Variants in VGLL4 observed in about 807,000 individuals in gnomAD.
VGLL4 encodes transcription cofactor vestigial-like protein 4.
Under a neutral mutation model 21.0 loss-of-function variants are expected in VGLL4, and 7 were observed. The ratio of observed to expected loss-of-function variants is 0.33; its 90% CI spans 0.19 to 0.63. VGLL4 has a LOEUF of 0.63. Ranked by LOEUF, VGLL4 falls within the 20% of genes least tolerant of loss-of-function variation. The pLI is 0.78. For synonymous variants in VGLL4, 222 were observed against 173.2 expected, an observed-to-expected ratio of 1.28 and a Z score of -2.21; for missense variants, 394 against 425.7, an observed-to-expected ratio of 0.93 and a Z score of 0.66.
chr3:11,713,416 A>G (rs2076876010), intron 1 of VGLL4, among the ~76,000 whole-genome samples: 1 of 151,972 alleles, frequency 6.6e-6, no homozygotes, highest in African/African-American at 2.4e-5. Context: ...TCAATGCCAG[A>G]AGAACTTGGC....
chr3:11,588,841 C>T (rs1575421667), intron 2 of VGLL4, among the ~76,000 whole-genome samples: 1 of 152,240 alleles, frequency 6.6e-6, no homozygotes, highest in African/African-American at 2.4e-5. Flanking sequence ...ACACATACAA[C>T]ACCCAGTGAG....
intron 2 of VGLL4, among the ~76,000 whole-genome samples, chr3:11,691,316 T>C (rs983683431): frequency 1.3e-5 from 2 of 151,564 alleles, no homozygotes; most frequent in Admixed American, 1.3e-4. Context: ...TCTGAAAGTC[T>C]TACATAAAAA....
At chr3:11,644,833 G>A (rs2075762368), upstream of VGLL4, among the ~76,000 whole-genome samples, 1 of 134,580 alleles carries the variant, frequency 7.4e-6, no homozygotes, top group Non-Finnish European at 1.5e-5. Context: ...GCAACAGAGT[G>A]AGACTTTGTC....
At chr3:11,573,902 T>A (rs2073950642) in intron 2 of VGLL4, among the ~76,000 whole-genome samples, 1 of 152,152 alleles carries the variant, frequency 6.6e-6, no homozygotes, top group African/African-American at 2.4e-5. Flanking sequence ...TCTAATCCAA[T>A]GTGACTGGTG....
intron 1 of VGLL4, among the ~76,000 whole-genome samples, chr3:11,606,190 T>G (rs1401773208): frequency 2.6e-5 from 4 of 152,162 alleles, no homozygotes; most frequent in Non-Finnish European, 4.4e-5. Context: ...TTGTGAGACT[T>G]ACTACCACGG....
At position 11,557,339 on chromosome 3, in the gene VGLL4, T is replaced by TGTCA. The variant is rs1007036329; in HGVS notation, c.*1213_*1216dup. 2.5e-5 allele frequency: 3 copies of TGTCA among 119,980 alleles called. No individual in the cohort carries two copies. The highest frequency in any genetic ancestry group is 3.8e-4 in the East Asian group (2 of 5,326). 7.4% of individuals were successfully genotyped at this position (119,980 alleles called of 1,614,324 possible). On this transcript the variant is annotated 3_prime_UTR_variant, in exon 5 of 5. Coordinates refer to ENST00000430365, the MANE Select transcript of VGLL4 (RefSeq NM_001128219.3). ...ATAAAACACCATATCACAGATTGTC[T>TGTCA]GTCAGTAATCTGCTGTTCAGCCAAG...
intron 2 of VGLL4, among the ~76,000 whole-genome samples, chr3:11,701,006 C>A (rs934155435): frequency 6.6e-6 from 1 of 152,094 alleles, no homozygotes; most frequent in African/African-American, 2.4e-5. Context: ...AGATACCTCA[C>A]GCAATCACTG....
At chr3:11,593,946 G>T (rs536070286) in intron 2 of VGLL4, among the ~76,000 whole-genome samples, 62 of 152,330 alleles carry the variant, frequency 4.1e-4, no homozygotes, top group Admixed American at 1.1e-3. Context: ...TTTGATCCCA[G>T]TGTGAGCCTA....
chr3:11,592,168 A>G (rs2345342), intron 2 of VGLL4, among the ~76,000 whole-genome samples: 120,218 of 151,992 alleles, frequency 0.79, 48,119 homozygotes, highest in Non-Finnish European at 0.86. Context: ...AGAGGGAAAA[A>G]AAACACATGT....
At chr3:11,576,853 A>C (rs1397552271) in intron 2 of VGLL4, among the ~76,000 whole-genome samples, 1 of 152,192 alleles carries the variant, frequency 6.6e-6, no homozygotes, top group East Asian at 1.9e-4. Flanking sequence ...CCATCCACCA[A>C]CTCAAGACTA....
At chr3:11,639,584 T>C (rs1243848567) in intron 1 of VGLL4, among the ~76,000 whole-genome samples, 1 of 152,072 alleles carries the variant, frequency 6.6e-6, no homozygotes, top group East Asian at 1.9e-4. Flanking sequence ...AGATAAGACA[T>C]GAAATAAGCC....
In VGLL4 at chr3:11,601,957, G is replaced by A; in HGVS notation, c.148C>T (p.His50Tyr). The change falls in exon 2 of 5, where the codon CAC becomes TAC. Residue 50 changes from histidine to tyrosine, a missense_variant. Transcript: ENST00000430365. ...CTGATTGGGGGAGGGCCGGTGCGGT[G>A]ACTGCTGAGGGCAGAGGCCACCGGC... is the stretch of plus-strand genomic sequence containing the variant. ...TLPVASALSS[H>Y]RTGPPPISPS... 1.2e-6 allele frequency: 2 copies of A among 1,612,410 alleles called. No individual in the cohort carries two copies. The highest frequency in any genetic ancestry group is 1.7e-6 in the Non-Finnish European group (2 of 1,179,370).
rs190045694 is a variant in VGLL4, at chr3:11,654,941, A to G, written c.64+48030T>C. The stretch of plus-strand genomic sequence containing the variant: ...GTCAAATAATGGCCAATACCACAAA[A>G]TTCTTTTTGAAATGCAAACAATTCA... On this transcript the variant is annotated intron_variant, in intron 2 of 5. Transcript: ENST00000273038. Among the ~76,000 whole-genome samples the G allele has an allele frequency of 5.9e-5, 9 of 152,308 alleles. No individual in the cohort carries two copies. The East Asian group carries it at 1.7e-3, about 29-fold the overall frequency.
intron 2 of VGLL4, among the ~76,000 whole-genome samples, chr3:11,566,491 T>A (rs933859331): frequency 6.6e-6 from 1 of 152,166 alleles, no homozygotes; most frequent in African/African-American, 2.4e-5. Context: ...CAGCCCTTAG[T>A]GAATGTTTTT....
chr3:11,686,825 G>C (rs1015545789), intron 2 of VGLL4, among the ~76,000 whole-genome samples: 2 of 152,054 alleles, frequency 1.3e-5, no homozygotes, highest in Non-Finnish European at 2.9e-5. Flanking sequence ...CAAACAATAA[G>C]GCACAATCCA....
At chr3:11,636,906 T>C (rs1463736634) in intron 1 of VGLL4, among the ~76,000 whole-genome samples, 1 of 152,166 alleles carries the variant, frequency 6.6e-6, no homozygotes, top group African/African-American at 2.4e-5. Context: ...CTGTATATAA[T>C]GTCTGTATAT....
chr3:11,641,139 G>T (rs1427269654), intron 1 of VGLL4, among the ~76,000 whole-genome samples: 8 of 124,632 alleles, frequency 6.4e-5, no homozygotes, highest in South Asian at 2.6e-4. Flanking sequence ...AAAAAAAAAA[G>T]ACCAGACACA....
intron 2 of VGLL4, among the ~76,000 whole-genome samples, chr3:11,582,615 G>A (rs544104845): frequency 3.9e-5 from 6 of 152,190 alleles, no homozygotes; most frequent in Non-Finnish European, 7.3e-5. Flanking sequence ...TACAGCACGC[G>A]ATTTCCTCTT....
chr3:11,583,377 C>T (rs2074285879), intron 2 of VGLL4, among the ~76,000 whole-genome samples: 2 of 152,182 alleles, frequency 1.3e-5, no homozygotes, highest in Non-Finnish European at 2.9e-5. Context: ...CCAAATCCTG[C>T]CCTGACAGAA....
Sources: allele counts gnomAD v4.1 joint callset (sites outside exome capture counted in the v4.1 genomes callset), GRCh38; gene constraint gnomAD v4.1.1; transcripts MANE v1.5; gene names NCBI Gene and HGNC (gene_info 2026-07-23, HGNC 2026-07-21).